Variants in RABGAP1L observed in about 807,000 individuals in gnomAD.
RABGAP1L encodes RAB GTPase activating protein 1 like, also known as rab GTPase-activating protein 1-like.
RABGAP1L carries 63 observed loss-of-function variants against 137.7 expected under a neutral mutation model. That is an observed-to-expected ratio of 0.46 (90% CI 0.37 to 0.56). RABGAP1L has a LOEUF of 0.56. Ranked by LOEUF, RABGAP1L falls within the 20% of genes least tolerant of loss-of-function variation. RABGAP1L has a pLI of 0.00. For synonymous variants in RABGAP1L, 431 were observed against 433.7 expected, an observed-to-expected ratio of 0.99 and a Z score of 0.08; for missense variants, 1,095 against 1,244.0, an observed-to-expected ratio of 0.88 and a Z score of 1.80.
chr1:174,871,440 T>G (rs1224421940), intron 19 of RABGAP1L, among the ~76,000 whole-genome samples: 1 of 152,192 alleles, frequency 6.6e-6, no homozygotes, highest in African/African-American at 2.4e-5. Context: ...CCTGAGTTGC[T>G]TTTTTAAAAT....
At chr1:174,690,444 G>A (rs763248463) in intron 15 of RABGAP1L, among the ~76,000 whole-genome samples, 32 of 152,166 alleles carry the variant, frequency 2.1e-4, no homozygotes, top group Non-Finnish European at 4.3e-4. Flanking sequence ...TATTTATAAT[G>A]TAAAAATAAT....
At chr1:174,536,936 G>A (rs1664939995) in intron 13 of RABGAP1L, among the ~76,000 whole-genome samples, 1 of 152,032 alleles carries the variant, frequency 6.6e-6, no homozygotes, top group Non-Finnish European at 1.5e-5. Flanking sequence ...GAAAAAATAG[G>A]GTGAAAGTTC....
At chr1:174,894,486 C>T (rs951317754) in intron 19 of RABGAP1L, among the ~76,000 whole-genome samples, 1 of 152,172 alleles carries the variant, frequency 6.6e-6, no homozygotes, top group Admixed American at 6.5e-5. Flanking sequence ...CAATGACTAC[C>T]TTTTGTAGTG....
At chr1:174,984,526 A>G (rs1671426466) in intron 24 of RABGAP1L, among the ~76,000 whole-genome samples, 1 of 152,182 alleles carries the variant, frequency 6.6e-6, no homozygotes, top group African/African-American at 2.4e-5. Flanking sequence ...AGATCACCTG[A>G]GGTCAGGCGT....
intron 10 of RABGAP1L, among the ~76,000 whole-genome samples, chr1:174,280,564 C>T (rs535724786): frequency 6.6e-6 from 1 of 152,292 alleles, no homozygotes; most frequent in East Asian, 1.9e-4. Context: ...CAACTTTCTT[C>T]TCTCAAATAT....
chr1:174,876,967 CTGTT>C (rs1653222457), intron 19 of RABGAP1L, among the ~76,000 whole-genome samples: 1 of 151,754 alleles, frequency 6.6e-6, no homozygotes, highest in African/African-American at 2.4e-5. Context: ...TGGTTTTCAT[CTGTT>C]TATTTTCTAA....
rs570175555 is a variant in RABGAP1L at position 174,420,966 on chromosome 1, C to T, written c.1710+26821C>T. The stretch of plus-strand genomic sequence containing the variant: ...CTGGGATTACAGGTGTGAGCCACCG[C>T]GCCTGGCTGGATTCAGGTTTTATAG... On this transcript the variant is annotated intron_variant, in intron 13 of 25. Coordinates refer to ENST00000681986, the MANE Select transcript of RABGAP1L (RefSeq NM_001366446.1). 8.5e-5 allele frequency among the ~76,000 whole-genome samples: 13 copies of T among 152,144 alleles called. No individual in the cohort carries two copies. In the South Asian group the frequency reaches 1.2e-3, roughly 15 times the overall value.
At chr1:174,522,086 A>G (rs1460317630) in intron 13 of RABGAP1L, among the ~76,000 whole-genome samples, 2 of 152,130 alleles carry the variant, frequency 1.3e-5, no homozygotes, top group Non-Finnish European at 2.9e-5. Flanking sequence ...CTCAAAAAAA[A>G]AAAAAGTAGT....
chr1:174,721,795 G>A (rs774299498), intron 17 of RABGAP1L, among the ~76,000 whole-genome samples: 1 of 152,172 alleles, frequency 6.6e-6, no homozygotes, highest in Non-Finnish European at 1.5e-5. Context: ...ATGATCATCA[G>A]TAGTATCCTA....
intron 1 of RABGAP1L, among the ~76,000 whole-genome samples, chr1:174,183,313 C>T (rs185368619): frequency 1.3e-5 from 2 of 152,308 alleles, no homozygotes; most frequent in East Asian, 3.9e-4. Flanking sequence ...TCACGGCTCA[C>T]TGGGGTGTTG....
At chr1:174,644,668 C>A (rs1674808839) in intron 14 of RABGAP1L, among the ~76,000 whole-genome samples, 1 of 151,860 alleles carries the variant, frequency 6.6e-6, no homozygotes, top group East Asian at 1.9e-4. Flanking sequence ...ATTCAAATGG[C>A]TTAAATATCC....
intron 11 of RABGAP1L, among the ~76,000 whole-genome samples, chr1:174,336,891 G>C (rs1436407143): frequency 7.1e-6 from 1 of 141,718 alleles, no homozygotes; most frequent in Non-Finnish European, 1.5e-5. Context: ...GTGTGAGAGA[G>C]AGAGAGAAAG....
rs115186163 is a variant in RABGAP1L, at chr1:174,327,031, G to T, written c.1465+21904G>T. On this transcript the variant is annotated intron_variant, in intron 11 of 25. Coordinates refer to ENST00000681986, the MANE Select transcript of RABGAP1L (RefSeq NM_001366446.1). ...CAAACAAAAGCTGAGGGAATTCCCT[G>T]TAACCAGATCTGCCTTGCAAAAAAA... 3.8e-3 allele frequency among the ~76,000 whole-genome samples: 583 copies of T among 152,242 alleles called. 4 individuals carry two copies. The highest frequency in any genetic ancestry group is 0.012 in the African/African-American group (503 of 41,548).
intron 12 of RABGAP1L, among the ~76,000 whole-genome samples, chr1:174,384,221 CAAAACTAT>C: frequency 6.6e-6 from 1 of 152,210 alleles, no homozygotes; most frequent in East Asian, 1.9e-4. Flanking sequence ...CTGGAAAAGT[CAAAACTAT>C]CATCATAGGA....
At chr1:174,888,314 T>G (rs1240854129) in intron 19 of RABGAP1L, among the ~76,000 whole-genome samples, 1 of 152,150 alleles carries the variant, frequency 6.6e-6, no homozygotes, top group East Asian at 1.9e-4. Flanking sequence ...AAAATAGTTT[T>G]TTTCCATCTA....
chr1:174,793,530 A>G (rs1481626850), intron 18 of RABGAP1L, among the ~76,000 whole-genome samples: 1 of 152,208 alleles, frequency 6.6e-6, no homozygotes, highest in Non-Finnish European at 1.5e-5. Context: ...TTTGAGTTCC[A>G]ACTATAAAAT....
chr1:174,737,584 C>G (rs935655502), intron 17 of RABGAP1L, among the ~76,000 whole-genome samples: 1 of 152,168 alleles, frequency 6.6e-6, no homozygotes, highest in African/African-American at 2.4e-5. Context: ...TTACCCAATT[C>G]CAAAGCTGCT....
At chr1:174,988,099 A>G (rs1357182818) in intron 24 of RABGAP1L, among the ~76,000 whole-genome samples, 6 of 152,212 alleles carry the variant, frequency 3.9e-5, no homozygotes, top group Admixed American at 1.3e-4. Context: ...GTGAGCCACC[A>G]GGCCCGGCCG....
intron 12 of RABGAP1L, among the ~76,000 whole-genome samples, chr1:174,378,057 T>C (rs1353062540): frequency 2.1e-5 from 3 of 145,920 alleles, no homozygotes; most frequent in Non-Finnish European, 3.0e-5. Context: ...GTTCTTGCGA[T>C]AGTTTACTGA....
Sources: allele counts gnomAD v4.1 joint callset (sites outside exome capture counted in the v4.1 genomes callset), GRCh38; gene constraint gnomAD v4.1.1; transcripts MANE v1.5; gene names NCBI Gene and HGNC (gene_info 2026-07-23, HGNC 2026-07-21).